The following ILRUN variants were observed in gnomAD, a reference collection of about 807,000 sequenced individuals.
ILRUN encodes the protein protein ILRUN.
A neutral mutation model predicts 33.8 loss-of-function variants in ILRUN; 3 were observed. The ratio of observed to expected loss-of-function variants is 0.09; its 90% CI spans 0.04 to 0.23. The LOEUF is 0.23. Ranked by LOEUF, ILRUN falls within the 10% of genes least tolerant of loss-of-function variation. ILRUN has a pLI of 1.00. For missense variants in ILRUN, 210 were observed against 375.1 expected (o/e 0.56, Z 3.64); for synonymous variants, 124 against 138.9 (o/e 0.89, Z 0.75).
intron 3 of ILRUN, among the ~76,000 whole-genome samples, chr6:34,633,333 G>T (rs1762285651): frequency 6.6e-6 from 1 of 152,198 alleles, no homozygotes; most frequent in South Asian, 2.1e-4. Context: ...CACAATTGTA[G>T]TTGGACCTTT....
At chr6:34,621,132 G>C (rs1762005408) in intron 3 of ILRUN, among the ~76,000 whole-genome samples, 1 of 152,102 alleles carries the variant, frequency 6.6e-6, no homozygotes, top group Non-Finnish European at 1.5e-5. Flanking sequence ...TACAAAAAGG[G>C]GGAAATCAAA....
chr6:34,592,016 A>C lies in ILRUN; in HGVS notation c.862-1416T>G, dbSNP rs1397016462. Among the ~76,000 whole-genome samples, 1 of 152,200 alleles carries C rather than the reference A, an allele frequency of 6.6e-6. No individual in the cohort carries two copies. Among genetic ancestry groups the C allele is most frequent in the Non-Finnish European group, 1.5e-5 (1 of 68,030 alleles). ...AAGAAAGACACACCAAGATGTGCCA[A>C]CATCAAAAGCAGCTACACAAACCAC... On this transcript the variant is annotated intron_variant, in intron 4 of 4. Transcript: ENST00000374023. The surrounding 1 kb of genome is among the most constrained non-coding windows in gnomAD (Gnocchi z 4.0).
At chr6:34,622,644 GT>G (rs1221652198) in intron 3 of ILRUN, among the ~76,000 whole-genome samples, 4 of 152,152 alleles carry the variant, frequency 2.6e-5, no homozygotes, top group African/African-American at 9.7e-5. Flanking sequence ...GAACGCTTGT[GT>G]GCTGTTAGGA....
At chr6:34,655,697 G>A (rs980874303) in intron 1 of ILRUN, among the ~76,000 whole-genome samples, 1 of 152,142 alleles carries the variant, frequency 6.6e-6, no homozygotes, top group Non-Finnish European at 1.5e-5. Flanking sequence ...CAATCTGTGA[G>A]ATAAATTCCT....
intron 3 of ILRUN, among the ~76,000 whole-genome samples, chr6:34,619,362 G>A (rs1761962945): frequency 6.6e-6 from 1 of 151,830 alleles, no homozygotes; most frequent in African/African-American, 2.4e-5. Context: ...CCATTAACTT[G>A]TTTTTGAGAC....
intron 2 of ILRUN, among the ~76,000 whole-genome samples, chr6:34,649,522 C>T (rs1448647324): frequency 6.6e-6 from 1 of 152,070 alleles, no homozygotes; most frequent in Non-Finnish European, 1.5e-5. Context: ...TGAAATATCA[C>T]TTTATTTTTT....
intron 3 of ILRUN, among the ~76,000 whole-genome samples, chr6:34,637,864 CTGTTGTTGT>C (rs57559266): frequency 9.4e-4 from 133 of 142,006 alleles, no homozygotes; most frequent in Middle Eastern, 3.5e-3. Context: ...GCTGCTGCTG[CTGTTGTTGT>C]TGTTGTTGTT....
chr6:34,682,841 T>G (rs1449279099), intron 1 of ILRUN, among the ~76,000 whole-genome samples: 1 of 152,036 alleles, frequency 6.6e-6, no homozygotes, highest in Non-Finnish European at 1.5e-5. Context: ...TGTTCACACT[T>G]ATGTGAGACA....
chr6:34,596,249 T>A (rs1046710040), intron 4 of ILRUN, among the ~76,000 whole-genome samples: 1 of 152,210 alleles, frequency 6.6e-6, no homozygotes, highest in Non-Finnish European at 1.5e-5. Flanking sequence ...CCCGTCAGCA[T>A]GAGAGAAGGA....
intron 4 of ILRUN, among the ~76,000 whole-genome samples, chr6:34,602,413 G>A (rs1188166198): frequency 1.3e-5 from 2 of 152,100 alleles, no homozygotes; most frequent in African/African-American, 4.8e-5. Flanking sequence ...ACTTTAACAG[G>A]ACTTTTTTTT....
intron 1 of ILRUN, among the ~76,000 whole-genome samples, chr6:34,660,367 A>C (rs1298611974): frequency 1.3e-5 from 2 of 152,070 alleles, no homozygotes; most frequent in East Asian, 3.8e-4. Flanking sequence ...TCTCAAGGAA[A>C]AAAAAAAAAC....
chr6:34,633,724 G>A (rs1445100788), intron 3 of ILRUN, among the ~76,000 whole-genome samples: 1 of 151,468 alleles, frequency 6.6e-6, no homozygotes, highest in Non-Finnish European at 1.5e-5. Context: ...AGGCATGGTG[G>A]TGTGCGCCTG....
intron 1 of ILRUN, among the ~76,000 whole-genome samples, chr6:34,691,441 G>A (rs759973907): frequency 6.6e-6 from 1 of 152,180 alleles, no homozygotes; most frequent in Non-Finnish European, 1.5e-5. Flanking sequence ...CAGCATGGCT[G>A]CCAGCTCAGG....
At chr6:34,632,454 ATAAG>A (rs1297802694) in intron 3 of ILRUN, among the ~76,000 whole-genome samples, 11 of 152,126 alleles carry the variant, frequency 7.2e-5, no homozygotes, top group Non-Finnish European at 1.5e-5. Context: ...ATAAAAAAAA[ATAAG>A]TGTTTATATT....
Position 34,696,613 on chromosome 6 carries a change from C to A in ILRUN, c.-10G>T, listed in dbSNP as rs781096166. 6.3e-7 allele frequency: 1 copy of A among 1,590,776 alleles called. No homozygotes were observed. The highest frequency in any genetic ancestry group is 1.1e-5 in the South Asian group (1 of 90,036). On this transcript the variant is annotated 5_prime_UTR_variant, in exon 1 of 5. Coordinates refer to ENST00000374023, the MANE Select transcript of ILRUN (RefSeq NM_024294.4). ...CGTCCATGCCCTCCATGGCGGGGAC[C>A]GGACACCCGCTTCCCCGCCTCTTCA...
chr6:34,662,522 A>T (rs1762911056), intron 1 of ILRUN, among the ~76,000 whole-genome samples: 1 of 152,162 alleles, frequency 6.6e-6, no homozygotes. Flanking sequence ...CAAATAAACA[A>T]TATATGATTT....
chr6:34,656,518 C>G (rs1762775207), intron 1 of ILRUN, among the ~76,000 whole-genome samples: 1 of 152,156 alleles, frequency 6.6e-6, no homozygotes, highest in Admixed American at 6.5e-5. Context: ...TGGTCTTACT[C>G]AAACCAGTGA....
At position 34,696,647 on chromosome 6, in the gene ILRUN, CCGCCGCCG is replaced by C. The variant is rs1562039926; in HGVS notation, c.-52_-45del. 6.4e-7 allele frequency: 1 copy of C among 1,570,616 alleles called. No homozygotes were observed. The highest frequency in any genetic ancestry group is 2.3e-5 in the East Asian group (1 of 44,140). Reference sequence around the variant, plus strand: ...GCTTCCCCGCCTCTTCACAACCAAGCCGCCGCCGCGCCGCCGGGCCCGGGGACCTGGAG... The same window carrying C: ...GCTTCCCCGCCTCTTCACAACCAAGCCGCCGCCGGGCCCGGGGACCTGGAG... On this transcript the variant is annotated 5_prime_UTR_variant, in exon 1 of 5. Coordinates refer to ENST00000374023, the MANE Select transcript of ILRUN (RefSeq NM_024294.4).
At chr6:34,590,721 C>T in intron 4 of ILRUN, 121 bp from the exon 5 acceptor site, 1 of 752,666 alleles carries the variant, frequency 1.3e-6, no homozygotes, top group Non-Finnish European at 2.4e-6. Flanking sequence ...ACAGACAAGG[C>T]CTGAGGGTCT....
Sources: gnomAD v4.1 joint callset for allele counts (sites outside exome capture counted in the v4.1 genomes callset) on GRCh38, gnomAD v4.1.1 for gene constraint, Gnocchi (gnomAD v3.1) non-coding constraint, MANE v1.5 for transcripts, NCBI Gene and HGNC (gene_info 2026-07-23, HGNC 2026-07-21) for gene names.